Variants in GPATCH2L observed in about 807,000 individuals in gnomAD.
The protein encoded by GPATCH2L is G-patch domain containing 2 like.
GPATCH2L carries 31 observed loss-of-function variants against 57.4 expected under a neutral mutation model. The observed-to-expected ratio is 0.54, with a 90% CI of 0.41 to 0.73. The LOEUF (loss-of-function observed/expected upper bound fraction) is 0.73. Ranked by LOEUF, GPATCH2L falls within the 30% of genes least tolerant of loss-of-function variation. The pLI is 0.00. For missense variants in GPATCH2L, 481 were observed against 599.9 expected, an observed-to-expected ratio of 0.80 and a Z score of 2.07; for synonymous variants, 199 against 210.7, an observed-to-expected ratio of 0.94 and a Z score of 0.48.
chr14:76,162,138 C>G (rs2038618468), intron 2 of GPATCH2L, among the ~76,000 whole-genome samples: 2 of 152,208 alleles, frequency 1.3e-5, no homozygotes, highest in African/African-American at 4.8e-5. Flanking sequence ...TCAGTCTTCT[C>G]ACGAGGTTAT....
In GPATCH2L at chr14:76,206,766, C is replaced by G. The variant is rs575479966; in HGVS notation, c.*4915C>G. The G allele has an allele frequency of 6.6e-6, 1 of 152,332 alleles. No homozygotes were observed. The highest frequency in any genetic ancestry group is 2.4e-5 in the African/African-American group (1 of 41,548). The allele number at this position is 152,332 out of a possible 1,614,324, so 9.4% of individuals were successfully genotyped here. A position where few individuals can be genotyped will look rare whatever the true frequency, so the allele number is the denominator to read the frequency against. ...CCTCCAGGGGTCTTTGGTGCATGCT[C>G]AAGTTTGAGAACCATAGGCTTTGCC... On this transcript the variant is annotated 3_prime_UTR_variant, in exon 10 of 10. Transcript: ENST00000261530.
chr14:76,161,195 T>A (rs2139585676), intron 2 of GPATCH2L, among the ~76,000 whole-genome samples: 1 of 152,292 alleles, frequency 6.6e-6, no homozygotes, highest in Admixed American at 6.5e-5. Context: ...CAAAAATACC[T>A]TTGGGCAGTA....
At chr14:76,227,098 C>A (rs1305658628) in intron 1 of GPATCH2L, among the ~76,000 whole-genome samples, 1 of 152,196 alleles carries the variant, frequency 6.6e-6, no homozygotes, top group African/African-American at 2.4e-5. Context: ...CCTGGACTGT[C>A]TGAGAGCTCC....
At chr14:76,169,443 G>A (rs1371131531) in intron 3 of GPATCH2L, among the ~76,000 whole-genome samples, 1 of 152,154 alleles carries the variant, frequency 6.6e-6, no homozygotes, top group Non-Finnish European at 1.5e-5. Flanking sequence ...TTCTCAGATT[G>A]TAAAACAACT....
chr14:76,207,249 G>T lies in GPATCH2L; in HGVS notation c.*5398G>T, dbSNP rs1162303020. 1.3e-5 allele frequency: 2 copies of T among 152,222 alleles called. No homozygotes were observed. Among genetic ancestry groups the T allele is most frequent in the African/African-American group, 4.8e-5 (2 of 41,456 alleles). The allele number at this position is 152,222 out of a possible 1,614,324, so 9.4% of individuals were successfully genotyped here. A position where few individuals can be genotyped will look rare whatever the true frequency, so the allele number is the denominator to read the frequency against. On this transcript the variant is annotated 3_prime_UTR_variant, in exon 10 of 10. Transcript: ENST00000261530. ...GAGGATCACTCAAGCCCAGGAGGTT[G>T]AGGGTGCAGTGAGCCATGATCTGGC...
At chr14:76,191,375 AC>A (rs1302823397) in intron 8 of GPATCH2L, among the ~76,000 whole-genome samples, 2 of 152,094 alleles carry the variant, frequency 1.3e-5, no homozygotes, top group Non-Finnish European at 2.9e-5. Flanking sequence ...TTGGGGATGA[AC>A]AAAAAACTGG....
At position 76,211,735 on chromosome 14, in the gene GPATCH2L, C is replaced by G. The variant is rs2040442471; in HGVS notation, c.*9884C>G. 6.6e-6 allele frequency: 1 copy of G among 152,160 alleles called. No individual in the cohort carries two copies. Among genetic ancestry groups the G allele is most frequent in the Admixed American group, 6.5e-5 (1 of 15,268 alleles). The allele number at this position is 152,160 out of a possible 1,614,324, so 9.4% of individuals were successfully genotyped here. A position where few individuals can be genotyped will look rare whatever the true frequency, so the allele number is the denominator to read the frequency against. On this transcript the variant is annotated 3_prime_UTR_variant, in exon 10 of 10. Transcript: ENST00000261530. ...CTTAGCAATCATTGATATTTTAAGC[C>G]TACAGGAAGTGCCCATGGGATAAAA...
chr14:76,189,552 T>A (rs1014491736), intron 8 of GPATCH2L, among the ~76,000 whole-genome samples: 11 of 152,156 alleles, frequency 7.2e-5, no homozygotes, highest in African/African-American at 2.7e-4. Flanking sequence ...TGTTGATTTT[T>A]TATCTTGCAA....
chr14:76,193,378 A>C (rs188085378), intron 8 of GPATCH2L, among the ~76,000 whole-genome samples: 519 of 152,244 alleles, frequency 3.4e-3, no homozygotes, highest in Middle Eastern at 0.01. Context: ...GGCAAATAAA[A>C]GGCAGTATTT....
At chr14:76,200,921 C>G (rs1323155649) in intron 9 of GPATCH2L, among the ~76,000 whole-genome samples, 2 of 152,158 alleles carry the variant, frequency 1.3e-5, no homozygotes, top group Non-Finnish European at 2.9e-5. Context: ...GTTTGTGCCA[C>G]TCCACTCAGG....
rs1052462101 is a variant in GPATCH2L at position 76,171,904 on chromosome 14, T to C, written c.789T>C (p.Pro263=). The C allele has an allele frequency of 3.1e-6, 5 of 1,609,834 alleles. No individual in the cohort carries two copies. The highest frequency in any genetic ancestry group is 4.2e-6 in the Non-Finnish European group (5 of 1,176,690). The change falls in exon 4 of 10, where the codon CCT becomes CCC. Residue 263 remains proline (P), a synonymous_variant. Coordinates refer to ENST00000261530, the MANE Select transcript of GPATCH2L (RefSeq NM_017926.4). ...AATGTGTCCCAGGATTCACTGTCCCTAATCTTCTGCCCAAGTGGGCTCCTG... is the reference window on the plus strand; with the variant it reads ...AATGTGTCCCAGGATTCACTGTCCCCAATCTTCTGCCCAAGTGGGCTCCTG... The part of the protein sequence containing the change: ...EGECVPGFTV[P]NLLPKWAPDH...
chr14:76,201,716 C>G lies in GPATCH2L; in HGVS notation c.1314C>G (p.Thr438=), dbSNP rs769886712. The G allele has an allele frequency of 6.2e-7, 1 of 1,613,214 alleles. No individual in the cohort carries two copies. Among genetic ancestry groups the G allele is most frequent in the Non-Finnish European group, 8.5e-7 (1 of 1,179,656 alleles). Residue 438 remains threonine (T), a synonymous_variant, in exon 10 of 10, where the codon ACC becomes ACG. Coordinates refer to ENST00000261530, the MANE Select transcript of GPATCH2L (RefSeq NM_017926.4). ...TTCACATGGATGCAGTGGAGCCAACCACACCAGCATCACAAGCCCCCAAAT... is the reference window on the plus strand; with the variant it reads ...TTCACATGGATGCAGTGGAGCCAACGACACCAGCATCACAAGCCCCCAAAT... ...SAVHMDAVEP[T]TPASQAPKSP...
intron 2 of GPATCH2L, among the ~76,000 whole-genome samples, chr14:76,161,636 T>G (rs1370612302): frequency 6.6e-6 from 1 of 152,222 alleles, no homozygotes. Context: ...GGGGTTTATT[T>G]TGTTGAAACT....
intron 1 of GPATCH2L, among the ~76,000 whole-genome samples, chr14:76,219,930 A>T (rs1444883171): frequency 6.6e-6 from 1 of 152,144 alleles, no homozygotes; most frequent in Non-Finnish European, 1.5e-5. Context: ...GTTCTTAGAA[A>T]AGTGATTAGC....
chr14:76,164,487 C>T (rs1427636152), intron 2 of GPATCH2L, among the ~76,000 whole-genome samples: 4 of 152,120 alleles, frequency 2.6e-5, no homozygotes, highest in African/African-American at 9.7e-5. Flanking sequence ...AACCGTAGTT[C>T]TTGATGTTTC....
chr14:76,168,447 C>T (rs1187727477), intron 3 of GPATCH2L, among the ~76,000 whole-genome samples: 1 of 152,184 alleles, frequency 6.6e-6, no homozygotes, highest in Non-Finnish European at 1.5e-5. Context: ...ATACTCATTT[C>T]TTGCTATGGG....
intron 2 of GPATCH2L, among the ~76,000 whole-genome samples, chr14:76,233,357 C>T (rs1410387598): frequency 6.6e-6 from 1 of 152,164 alleles, no homozygotes; most frequent in African/African-American, 2.4e-5. Flanking sequence ...AAAATTCTGG[C>T]AATTTGATAG....
intron 9 of GPATCH2L, among the ~76,000 whole-genome samples, chr14:76,200,016 GC>G (rs1413361516): frequency 6.6e-6 from 1 of 152,172 alleles, no homozygotes; most frequent in Non-Finnish European, 1.5e-5. Context: ...ATGAAACTCT[GC>G]CATGTGCTAC....
At chr14:76,195,731 T>C in intron 8 of GPATCH2L, 147 bp from the exon 9 acceptor site, 1 of 653,062 alleles carries the variant, frequency 1.5e-6, no homozygotes, top group Non-Finnish European at 2.7e-6. Flanking sequence ...TAATTCTGAA[T>C]AATGTTGTCC....
Sources: gnomAD v4.1 joint callset for allele counts (sites outside exome capture counted in the v4.1 genomes callset) on GRCh38, gnomAD v4.1.1 for gene constraint, MANE v1.5 for transcripts, NCBI Gene and HGNC (gene_info 2026-07-23, HGNC 2026-07-21) for gene names.